The following ST6GALNAC3 variants were observed in gnomAD, a reference collection of about 807,000 sequenced individuals.
ST6GALNAC3 encodes alpha-N-acetylgalactosaminide alpha-2,6-sialyltransferase 3.
ST6GALNAC3 carries 25 observed loss-of-function variants against 32.7 expected under a neutral mutation model. The ratio of observed to expected loss-of-function variants is 0.76; its 90% CI spans 0.56 to 1.07. ST6GALNAC3 has a LOEUF of 1.07. Among genes scored for constraint, ST6GALNAC3 ranks in the 50% least tolerant of loss-of-function variants. The pLI is 0.00. For missense variants in ST6GALNAC3, 355 were observed against 382.4 expected, an observed-to-expected ratio of 0.93 and a Z score of 0.60; for synonymous variants, 129 against 133.1, an observed-to-expected ratio of 0.97 and a Z score of 0.21.
At chr1:76,265,110 A>G (rs1570625404) in intron 1 of ST6GALNAC3, among the ~76,000 whole-genome samples, 1 of 152,190 alleles carries the variant, frequency 6.6e-6, no homozygotes. Context: ...GAGTACTTAT[A>G]CAGGTGATAT....
intron 1 of ST6GALNAC3, among the ~76,000 whole-genome samples, chr1:76,259,946 CT>C (rs1658129768): frequency 6.6e-6 from 1 of 152,070 alleles, no homozygotes; most frequent in Non-Finnish European, 1.5e-5. Flanking sequence ...AGACTGGTCC[CT>C]CTGTCTTCTT....
At chr1:76,238,246 G>C (rs931313558) in intron 1 of ST6GALNAC3, among the ~76,000 whole-genome samples, 1 of 152,086 alleles carries the variant, frequency 6.6e-6, no homozygotes, top group Admixed American at 6.5e-5. Flanking sequence ...ATATCCTGCC[G>C]TGCTCTTTGA....
At chr1:76,551,999 C>A (rs1334694825) in intron 3 of ST6GALNAC3, among the ~76,000 whole-genome samples, 4 of 152,174 alleles carry the variant, frequency 2.6e-5, no homozygotes, top group Non-Finnish European at 4.4e-5. Context: ...GCAGCAGCTG[C>A]TGCAGGTGGG....
At chr1:76,581,759 A>G (rs1006951797) in intron 3 of ST6GALNAC3, among the ~76,000 whole-genome samples, 1 of 152,160 alleles carries the variant, frequency 6.6e-6, no homozygotes, top group African/African-American at 2.4e-5. Flanking sequence ...ATTAATTAAT[A>G]TAACAAGCAC....
intron 1 of ST6GALNAC3, among the ~76,000 whole-genome samples, chr1:76,262,322 G>C (rs1371583752): frequency 6.6e-6 from 1 of 152,208 alleles, no homozygotes; most frequent in Non-Finnish European, 1.5e-5. Context: ...CCTGACACCA[G>C]TGCCACTGTG....
chr1:76,419,838 C>T (rs946176193), intron 3 of ST6GALNAC3, among the ~76,000 whole-genome samples: 7 of 152,198 alleles, frequency 4.6e-5, no homozygotes, highest in African/African-American at 1.7e-4. Flanking sequence ...TTTTGCTTCT[C>T]TGTAAACAGA....
intron 1 of ST6GALNAC3, among the ~76,000 whole-genome samples, chr1:76,144,673 TAC>T (rs1650562106): frequency 5.9e-5 from 9 of 152,320 alleles, no homozygotes; most frequent in African/African-American, 2.2e-4. Flanking sequence ...ATAAATACAA[TAC>T]TCTCCCCGCT....
intron 2 of ST6GALNAC3, among the ~76,000 whole-genome samples, chr1:76,367,516 T>A (rs4364924): frequency 1.3e-5 from 2 of 151,998 alleles, no homozygotes; most frequent in African/African-American, 4.8e-5. Flanking sequence ...GTAGAAGCAT[T>A]GTACTAAATT....
At chr1:76,349,591 G>T (rs1179212668) in intron 2 of ST6GALNAC3, among the ~76,000 whole-genome samples, 2 of 152,088 alleles carry the variant, frequency 1.3e-5, no homozygotes, top group African/African-American at 4.8e-5. Context: ...CAAAAGATTT[G>T]GAGGGAAATG....
rs1430507932 is a variant in ST6GALNAC3 at position 76,207,266 on chromosome 1, C to T, written c.19-106539C>T. ...GAGCTCTGGCAGTCTGGCTGCAGAG[C>T]CTGTGTTTCTCACTGTGATGCTAGG... On this transcript the variant is annotated intron_variant, in intron 1 of 4. Coordinates refer to ENST00000328299, the MANE Select transcript of ST6GALNAC3 (RefSeq NM_152996.4). Among the ~76,000 whole-genome samples the T allele has an allele frequency of 2.6e-5, 4 of 152,326 alleles. No homozygotes were observed. The East Asian group carries it at 7.7e-4, about 29-fold the overall frequency.
At chr1:76,437,725 G>C (rs1255815677) in intron 3 of ST6GALNAC3, among the ~76,000 whole-genome samples, 3 of 150,908 alleles carry the variant, frequency 2.0e-5, no homozygotes, top group Admixed American at 6.6e-5. Flanking sequence ...CTACAGGCAC[G>C]CACCACTACG....
intron 2 of ST6GALNAC3, among the ~76,000 whole-genome samples, chr1:76,343,655 G>A (rs978976690): frequency 3.3e-5 from 5 of 152,176 alleles, no homozygotes; most frequent in East Asian, 1.9e-4. Context: ...TTCCTATATC[G>A]CTACTTCTTT....
At chr1:76,351,458 A>G (rs1440193304) in intron 2 of ST6GALNAC3, among the ~76,000 whole-genome samples, 6 of 152,118 alleles carry the variant, frequency 3.9e-5, no homozygotes, top group Non-Finnish European at 8.8e-5. Context: ...TTTAGTATAA[A>G]GACTATATGG....
intron 2 of ST6GALNAC3, among the ~76,000 whole-genome samples, chr1:76,324,413 C>T (rs564389953): frequency 2.0e-5 from 3 of 152,234 alleles, no homozygotes; most frequent in Non-Finnish European, 4.4e-5. Flanking sequence ...AGGTTAACAT[C>T]AATAGTGACA....
chr1:76,226,041 G>T (rs1276937928), intron 1 of ST6GALNAC3, among the ~76,000 whole-genome samples: 1 of 152,094 alleles, frequency 6.6e-6, no homozygotes, highest in Non-Finnish European at 1.5e-5. Flanking sequence ...GACTTTATTG[G>T]TGCAGATATA....
intron 1 of ST6GALNAC3, among the ~76,000 whole-genome samples, chr1:76,252,438 G>A (rs905802465): frequency 1.3e-5 from 2 of 152,124 alleles, no homozygotes; most frequent in African/African-American, 4.8e-5. Flanking sequence ...TACCAAGTGG[G>A]AGCTATTTCA....
At chr1:76,539,682 C>T (rs1364434082) in intron 3 of ST6GALNAC3, among the ~76,000 whole-genome samples, 3 of 150,282 alleles carry the variant, frequency 2.0e-5, no homozygotes, top group Non-Finnish European at 3.0e-5. Flanking sequence ...AAAACCCCAT[C>T]GAAAAGTGGG....
rs542014783 is a variant in ST6GALNAC3, at chr1:76,332,733, C to T, written c.213+18734C>T. 1.4e-3 allele frequency among the ~76,000 whole-genome samples: 216 copies of T among 152,258 alleles called. 1 individual carries two copies. Among genetic ancestry groups the T allele is most frequent in the Non-Finnish European group, 2.5e-3 (170 of 68,008 alleles). ...CACCTCTCAGGCCCCTCTCTCATTG[C>T]GCCCTGTACCCACAGTACTCATGCT... On this transcript the variant is annotated intron_variant, in intron 2 of 4. Coordinates refer to ENST00000328299, the MANE Select transcript of ST6GALNAC3 (RefSeq NM_152996.4).
At chr1:76,564,677 C>G (rs1309337193) in intron 3 of ST6GALNAC3, among the ~76,000 whole-genome samples, 1 of 151,680 alleles carries the variant, frequency 6.6e-6, no homozygotes, top group Non-Finnish European at 1.5e-5. Context: ...GCTCCGCCTC[C>G]CGGGTTCACG....
Sources: gnomAD v4.1 joint callset for allele counts (sites outside exome capture counted in the v4.1 genomes callset) on GRCh38, gnomAD v4.1.1 for gene constraint, MANE v1.5 for transcripts, NCBI Gene and HGNC (gene_info 2026-07-23, HGNC 2026-07-21) for gene names.